Variants in NETO1 observed in about 807,000 individuals in gnomAD.
The protein encoded by NETO1 is neuropilin and tolloid-like protein 1.
In NETO1, 26 loss-of-function variants were observed where a neutral mutation model predicts 61.3. The observed-to-expected ratio is 0.42, with a 90% CI of 0.31 to 0.59. The LOEUF (loss-of-function observed/expected upper bound fraction) is 0.59, where lower values mean the gene tolerates loss of function less well. Ranked by LOEUF, NETO1 falls within the 20% of genes least tolerant of loss-of-function variation. NETO1 has a pLI of 0.12. For synonymous variants in NETO1, 225 were observed against 225.8 expected, an observed-to-expected ratio of 1.00 and a Z score of 0.03; for missense variants, 531 against 662.8, an observed-to-expected ratio of 0.80 and a Z score of 2.18.
chr18:72,745,975 T>TC lies in NETO1; in HGVS notation c.*2203dup, dbSNP rs1165738904. On this transcript the variant is annotated 3_prime_UTR_variant, in exon 11 of 11. Coordinates refer to ENST00000327305, the MANE Select transcript of NETO1 (RefSeq NM_138966.5). ...TGTGTGTTAAATATATGTGAGCTAT[T>TC]CATTCTTATTATTATACTTCATTTA... 6.6e-6 allele frequency: 1 copy of TC among 152,236 alleles called. No individual in the cohort carries two copies. Among genetic ancestry groups the TC allele is most frequent in the African/African-American group, 2.4e-5 (1 of 41,468 alleles). The allele number at this position is 152,236 out of a possible 1,614,324, so 9.4% of individuals were successfully genotyped here.
chr18:72,780,174 C>T (rs2071688348), intron 7 of NETO1, among the ~76,000 whole-genome samples: 1 of 152,158 alleles, frequency 6.6e-6, no homozygotes, highest in African/African-American at 2.4e-5. Flanking sequence ...AAACCTGTTT[C>T]CGTGGAAACT....
Position 72,744,843 on chromosome 18 carries a change from T to G in NETO1, c.*3336A>C, listed in dbSNP as rs1416413295. On this transcript the variant is annotated 3_prime_UTR_variant, in exon 11 of 11. Transcript: ENST00000327305. ...CCAGGGGGTCATATCTTGTAATTTA[T>G]TATGATATTCTGAGGTTGAGGAAAA... 2 of 152,180 alleles carry G rather than the reference T, an allele frequency of 1.3e-5. No homozygotes were observed. The highest frequency in any genetic ancestry group is 2.9e-5 in the Non-Finnish European group (2 of 68,030). 9.4% of individuals were successfully genotyped at this position (152,180 alleles called of 1,614,324 possible).
At chr18:72,770,534 G>T (rs1300966236) in intron 7 of NETO1, among the ~76,000 whole-genome samples, 1 of 151,984 alleles carries the variant, frequency 6.6e-6, no homozygotes, top group African/African-American at 2.4e-5. Context: ...GCACCATCTG[G>T]TATTTATGCT....
intron 7 of NETO1, among the ~76,000 whole-genome samples, chr18:72,779,221 A>G (rs549278933): frequency 6.6e-6 from 1 of 151,958 alleles, no homozygotes; most frequent in Non-Finnish European, 1.5e-5. Context: ...ATAACTATAT[A>G]TACATCTATA....
intron 4 of NETO1, among the ~76,000 whole-genome samples, chr18:72,814,332 GA>G (rs1316931438): frequency 6.6e-6 from 1 of 152,106 alleles, no homozygotes; most frequent in Non-Finnish European, 1.5e-5. Flanking sequence ...CAGATTTTGA[GA>G]AGAGAATGTA....
intron 7 of NETO1, among the ~76,000 whole-genome samples, chr18:72,772,864 T>C (rs1236030740): frequency 8.9e-6 from 1 of 112,132 alleles, no homozygotes; most frequent in Non-Finnish European, 1.8e-5. Context: ...TATATATATA[T>C]ATATATATCA....
intron 7 of NETO1, among the ~76,000 whole-genome samples, chr18:72,767,119 C>T (rs1055322445): frequency 4.6e-5 from 7 of 152,292 alleles, no homozygotes; most frequent in African/African-American, 1.4e-4. Context: ...TTGAACATGC[C>T]AAGTCCCACA....
intron 1 of NETO1, among the ~76,000 whole-genome samples, chr18:72,866,516 T>C (rs8086498): frequency 0.019 from 2,933 of 152,244 alleles, 99 homozygotes; most frequent in African/African-American, 0.066. Flanking sequence ...TGTGTATTTG[T>C]TTACTCCGCT....
intron 7 of NETO1, among the ~76,000 whole-genome samples, chr18:72,758,301 T>C (rs916186923): frequency 7.2e-5 from 11 of 152,058 alleles, no homozygotes; most frequent in African/African-American, 2.7e-4. Flanking sequence ...CATTTTAACA[T>C]GCTTTTTCAC....
intron 3 of NETO1, among the ~76,000 whole-genome samples, 190 bp downstream of exon 3, chr18:72,864,618 C>A (rs1004189361): frequency 2.6e-5 from 4 of 152,186 alleles, no homozygotes; most frequent in Admixed American, 6.5e-5. Flanking sequence ...TGTTCATAAC[C>A]CACTACTAGT....
rs115538561 is a variant in NETO1, at chr18:72,785,536, T to C, written c.640-1630A>G. Among the ~76,000 whole-genome samples, 938 of 152,300 alleles carry C rather than the reference T, an allele frequency of 6.2e-3. 6 individuals carry two copies. The highest frequency in any genetic ancestry group is 0.021 in the African/African-American group (887 of 41,558). ...TATTTCTAAGAAACAAATCTAATAA[T>C]CACAGTCTTTTTTTCATTATACTTT... On this transcript the variant is annotated intron_variant, in intron 6 of 10. Transcript: ENST00000327305.
At chr18:72,772,717 C>T (rs66949606) in intron 7 of NETO1, among the ~76,000 whole-genome samples, 44,245 of 140,892 alleles carry the variant, frequency 0.31, 7,860 homozygotes, top group South Asian at 0.47. Flanking sequence ...ATGATATACA[C>T]GTGTGTGTAT....
chr18:72,836,687 A>G (rs760570624), intron 4 of NETO1, among the ~76,000 whole-genome samples: 14 of 152,196 alleles, frequency 9.2e-5, no homozygotes, highest in Non-Finnish European at 1.6e-4. Context: ...GAGGGAGGAT[A>G]CTGAAGGAAG....
At chr18:72,837,929 C>T (rs938742817) in intron 4 of NETO1, among the ~76,000 whole-genome samples, 3 of 152,068 alleles carry the variant, frequency 2.0e-5, no homozygotes, top group Admixed American at 2.0e-4. Context: ...AATAGCTACA[C>T]AAAACATTCT....
At chr18:72,865,673 G>A in intron 1 of NETO1, 1 of 1,565,442 alleles carries the variant, frequency 6.4e-7, no homozygotes, top group Non-Finnish European at 8.7e-7. Flanking sequence ...CTCCATGACT[G>A]TTCCTGACAT....
intron 7 of NETO1, among the ~76,000 whole-genome samples, chr18:72,767,541 A>G (rs945429166): frequency 6.6e-6 from 1 of 152,244 alleles, no homozygotes; most frequent in Non-Finnish European, 1.5e-5. Flanking sequence ...ACTTAAGAAA[A>G]TTAACTTTAA....
intron 4 of NETO1, among the ~76,000 whole-genome samples, chr18:72,805,549 CAG>C (rs765415694): frequency 6.6e-6 from 1 of 152,258 alleles, no homozygotes; most frequent in Non-Finnish European, 1.5e-5. Flanking sequence ...ATGTAGATAA[CAG>C]TGCTATGCTT....
At chr18:72,846,250 A>T (rs1165549058) in intron 4 of NETO1, among the ~76,000 whole-genome samples, 1 of 151,750 alleles carries the variant, frequency 6.6e-6, no homozygotes, top group African/African-American at 2.4e-5. Flanking sequence ...CACACCTGGA[A>T]TCCCAGCATC....
chr18:72,751,985 G>A (rs899324242), intron 8 of NETO1: 5 of 152,284 alleles, frequency 3.3e-5, no homozygotes, highest in Non-Finnish European at 7.4e-5. Context: ...CTGCCTCTTA[G>A]TGTTTTATGA....
Sources: allele counts gnomAD v4.1 joint callset (sites outside exome capture counted in the v4.1 genomes callset), GRCh38; gene constraint gnomAD v4.1.1; transcripts MANE v1.5; gene names NCBI Gene and HGNC (gene_info 2026-07-23, HGNC 2026-07-21).